Variants in OPCML observed in about 807,000 individuals in gnomAD.
The protein encoded by OPCML is opioid binding protein/cell adhesion molecule like, also known as opioid-binding protein/cell adhesion molecule.
A neutral mutation model predicts 37.8 loss-of-function variants in OPCML; 13 were observed. That is an observed-to-expected ratio of 0.34 (90% CI 0.22 to 0.55). OPCML has a LOEUF of 0.55. Ranked by LOEUF, OPCML falls within the 20% of genes least tolerant of loss-of-function variation. The probability of loss-of-function intolerance (pLI) is 0.91; values close to 1 mark genes in which losing one functional copy is unlikely to be tolerated. For synonymous variants in OPCML, 176 were observed against 168.8 expected, an observed-to-expected ratio of 1.04 and a Z score of -0.33; for missense variants, 341 against 435.6, an observed-to-expected ratio of 0.78 and a Z score of 1.93.
At chr11:133,248,316 C>T (rs143294235) in intron 1 of OPCML, among the ~76,000 whole-genome samples, 3 of 152,268 alleles carry the variant, frequency 2.0e-5, no homozygotes, top group African/African-American at 7.2e-5. Flanking sequence ...TGGGTTAGGG[C>T]GTACCTTTGA....
chr11:132,585,413 A>T (rs2096470535), intron 3 of OPCML, among the ~76,000 whole-genome samples: 1 of 151,678 alleles, frequency 6.6e-6, no homozygotes, highest in African/African-American at 2.4e-5. Context: ...GAAAAAAAAA[A>T]CTGGTCTCTT....
chr11:132,786,268 G>A (rs1947208648), intron 2 of OPCML, among the ~76,000 whole-genome samples: 1 of 152,174 alleles, frequency 6.6e-6, no homozygotes, highest in Non-Finnish European at 1.5e-5. Context: ...TCATCTAAAA[G>A]CTGAAACGAT....
chr11:133,264,981 G>A (rs896202417), intron 1 of OPCML, among the ~76,000 whole-genome samples: 4 of 152,182 alleles, frequency 2.6e-5, no homozygotes, highest in Admixed American at 2.6e-4. Context: ...GTAAAGCTTG[G>A]AGATTTTAAA....
chr11:132,549,549 G>C (rs2096376724), intron 3 of OPCML, among the ~76,000 whole-genome samples: 1 of 152,196 alleles, frequency 6.6e-6, no homozygotes, highest in Non-Finnish European at 1.5e-5. Flanking sequence ...GATAGCGAGG[G>C]TATGGGAGTC....
At chr11:133,201,927 TATTA>T (rs1938814955) in intron 1 of OPCML, among the ~76,000 whole-genome samples, 1 of 152,206 alleles carries the variant, frequency 6.6e-6, no homozygotes, top group South Asian at 2.1e-4. Context: ...TTTTATTGTT[TATTA>T]ATTACTATGA....
At chr11:133,091,170 G>T (rs1033766557) in intron 1 of OPCML, among the ~76,000 whole-genome samples, 2 of 152,222 alleles carry the variant, frequency 1.3e-5, no homozygotes, top group Admixed American at 6.5e-5. Flanking sequence ...TAGGGCACAA[G>T]TGGTCAGCTT....
chr11:133,084,613 C>A (rs929890751), intron 1 of OPCML, among the ~76,000 whole-genome samples: 2 of 152,162 alleles, frequency 1.3e-5, no homozygotes, highest in Admixed American at 6.5e-5. Flanking sequence ...CACTGGGAGG[C>A]GTATTGGGGC....
At chr11:133,185,011 A>G (rs1346284421) in intron 1 of OPCML, among the ~76,000 whole-genome samples, 1 of 152,176 alleles carries the variant, frequency 6.6e-6, no homozygotes, top group Non-Finnish European at 1.5e-5. Flanking sequence ...TGACTCTACC[A>G]TATTTCATTG....
At chr11:132,749,543 G>C (rs1945759558) in intron 2 of OPCML, among the ~76,000 whole-genome samples, 1 of 152,148 alleles carries the variant, frequency 6.6e-6, no homozygotes, top group African/African-American at 2.4e-5. Flanking sequence ...ATGTCATGTA[G>C]GCAGTTGAAT....
intron 3 of OPCML, among the ~76,000 whole-genome samples, chr11:132,580,744 C>T (rs966006375): frequency 6.6e-6 from 1 of 152,164 alleles, no homozygotes; most frequent in African/African-American, 2.4e-5. Flanking sequence ...TTCTATCCTT[C>T]CTACCTCCCT....
intron 1 of OPCML, among the ~76,000 whole-genome samples, chr11:133,327,448 T>G (rs985533014): frequency 1.3e-5 from 2 of 151,870 alleles, no homozygotes; most frequent in Admixed American, 1.3e-4. Context: ...CTCGAGGTAA[T>G]TCTCTAGGGT....
intron 2 of OPCML, among the ~76,000 whole-genome samples, chr11:132,863,393 T>C (rs758344078): frequency 6.6e-6 from 1 of 152,182 alleles, no homozygotes; most frequent in Non-Finnish European, 1.5e-5. Flanking sequence ...ACAACGGGTA[T>C]ACTGACTTCT....
chr11:132,631,375 A>ATATATATATATATATATATC (rs1491278364), intron 3 of OPCML, among the ~76,000 whole-genome samples: 8 of 139,592 alleles, frequency 5.7e-5, no homozygotes, highest in African/African-American at 2.1e-4. Flanking sequence ...ATATATATAT[A>ATATATATATATATATATATC]TCTCCTAGGT....
intron 3 of OPCML, among the ~76,000 whole-genome samples, chr11:132,535,026 T>A (rs2096336648): frequency 6.7e-6 from 1 of 148,588 alleles, no homozygotes; most frequent in African/African-American, 2.4e-5. Flanking sequence ...ATATATATAT[T>A]TAAATACATT....
In OPCML at chr11:132,588,571, CTCCAGCCCCTTCTTTAGGGATGAT is replaced by C. The variant is rs1355358506; in HGVS notation, c.380-59409_380-59386del. Among the ~76,000 whole-genome samples the C allele has an allele frequency of 6.6e-5, 10 of 152,220 alleles. No individual in the cohort carries two copies. The East Asian group carries it at 9.6e-4, about 15-fold the overall frequency. ...AAGCAAGCAGATGTGAGCAGCTCTG[CTCCAGCCCCTTCTTTAGGGATGAT>C]TCACTGCCCCTTGGCTGCCAGGAAT... On this transcript the variant is annotated intron_variant, in intron 3 of 7. Coordinates refer to ENST00000524381, the MANE Select transcript of OPCML (RefSeq NM_001012393.5).
intron 4 of OPCML, among the ~76,000 whole-genome samples, chr11:132,518,442 C>T (rs1591495327): frequency 6.6e-6 from 1 of 152,252 alleles, no homozygotes; most frequent in Admixed American, 6.5e-5. Context: ...CTATGAGTAT[C>T]CCATCTCAGG....
At chr11:132,846,562 T>C (rs1284243362) in intron 2 of OPCML, among the ~76,000 whole-genome samples, 1 of 152,216 alleles carries the variant, frequency 6.6e-6, no homozygotes, top group Non-Finnish European at 1.5e-5. Flanking sequence ...TCCACCACGG[T>C]AACATTCACA....
chr11:133,441,903 A>T (rs910498847), intron 1 of OPCML, among the ~76,000 whole-genome samples: 1 of 152,322 alleles, frequency 6.6e-6, no homozygotes. Flanking sequence ...TTATGTTAAA[A>T]GGTAATTCAA....
At chr11:132,701,210 G>A (rs1315110900) in intron 2 of OPCML, among the ~76,000 whole-genome samples, 1 of 152,190 alleles carries the variant, frequency 6.6e-6, no homozygotes, top group Non-Finnish European at 1.5e-5. Flanking sequence ...ATGTTGGCAG[G>A]CAAGAGAGCT....
Sources: gnomAD v4.1 joint callset for allele counts (sites outside exome capture counted in the v4.1 genomes callset) on GRCh38, gnomAD v4.1.1 for gene constraint, MANE v1.5 for transcripts, NCBI Gene and HGNC (gene_info 2026-07-23, HGNC 2026-07-21) for gene names.